The following ATPAF1 variants were observed in gnomAD, a reference collection of about 807,000 sequenced individuals.
ATPAF1 encodes the protein homolog of yeast ATP11.
Under a neutral mutation model 43.9 loss-of-function variants are expected in ATPAF1, and 26 were observed. The observed-to-expected ratio is 0.59, with a 90% CI of 0.43 to 0.82. ATPAF1 has a LOEUF of 0.82. ATPAF1 is among the 40% of genes least tolerant of loss of function. ATPAF1 has a pLI of 0.00. For missense variants in ATPAF1, 366 were observed against 435.0 expected, an observed-to-expected ratio of 0.84 and a Z score of 1.41; for synonymous variants, 157 against 168.0, an observed-to-expected ratio of 0.93 and a Z score of 0.50.
In ATPAF1 at chr1:46,635,557, C is replaced by T. The variant is rs1675821550; in HGVS notation, c.*219G>A. 14 of 530,732 alleles carry T rather than the reference C, an allele frequency of 2.6e-5. No homozygotes were observed. In the South Asian group the frequency reaches 3.0e-4, roughly 11 times the overall value. 32.9% of individuals were successfully genotyped at this position (530,732 alleles called of 1,614,324 possible). A position where few individuals can be genotyped will look rare whatever the true frequency, so the allele number is the denominator to read the frequency against. ...AACCTCGAACACTTAAAAAAGGAAA[C>T]CTCAAGTATGCTGAGATAATTATCA... On this transcript the variant is annotated 3_prime_UTR_variant, in exon 9 of 9. Transcript: ENST00000574428.
At chr1:46,649,307 A>G (rs61784002) in intron 6 of ATPAF1, among the ~76,000 whole-genome samples, 39,878 of 152,012 alleles carry the variant, frequency 0.26, 5,529 homozygotes, top group East Asian at 0.38. Context: ...CCTTTCTCTA[A>G]TTTATAGACA....
chr1:46,651,282 G>A (rs1391176451), intron 6 of ATPAF1, among the ~76,000 whole-genome samples: 6 of 151,992 alleles, frequency 3.9e-5, no homozygotes, highest in African/African-American at 1.4e-4. Context: ...AGTTTACTGA[G>A]AATGATGATT....
At chr1:46,652,613 A>C (rs1165883014) in exon 6 of ATPAF1, 2 of 1,613,294 alleles carry the variant, frequency 1.2e-6, no homozygotes, top group South Asian at 2.2e-5. Context: ...TTCCAGATCA[A>C]ATCAAACTTT....
chr1:46,666,958 G>C (rs1676501181), intron 1 of ATPAF1, among the ~76,000 whole-genome samples: 1 of 152,248 alleles, frequency 6.6e-6, no homozygotes, highest in African/African-American at 2.4e-5. Flanking sequence ...GTGTAAAACA[G>C]ATCAAATACA....
In ATPAF1 at chr1:46,654,531, A is replaced by AT. The variant is rs112199735; in HGVS notation, c.490-665dup. On this transcript the variant is annotated intron_variant, in intron 4 of 8. Transcript: ENST00000574428. ...GACTGGGCAATTTATTTATTTATTTATTATTATTATTATTATTATTATTAT... is the reference window on the plus strand; with the variant it reads ...GACTGGGCAATTTATTTATTTATTTATTTATTATTATTATTATTATTATTAT... 5.9e-3 allele frequency among the ~76,000 whole-genome samples: 769 copies of AT among 130,682 alleles called. 9 individuals carry two copies. Among genetic ancestry groups the AT allele is most frequent in the East Asian group, 0.039 (161 of 4,172 alleles). The allele number at this position is 130,682 out of a possible 152,430, so 85.7% of individuals were successfully genotyped here.
Position 46,653,974 on chromosome 1 carries a change from C to T in ATPAF1, c.490-107G>A. ...CTCAGAGGAATATGCTATTTGATAA[C>T]AGAGAGGAAAAACCCAGTATAACGC... is the stretch of plus-strand genomic sequence containing the variant. On this transcript the variant is annotated intron_variant, in intron 4 of 8. Transcript: ENST00000574428. The surrounding 1 kb of genome is among the most constrained non-coding windows in gnomAD (Gnocchi z 4.8). 9.7e-7 allele frequency: 1 copy of T among 1,026,620 alleles called. No homozygotes were observed. The highest frequency in any genetic ancestry group is 1.4e-6 in the Non-Finnish European group (1 of 697,398). 63.6% of individuals were successfully genotyped at this position (1,026,620 alleles called of 1,614,324 possible).
intron 8 of ATPAF1, 160 bp from the exon 9 acceptor site, chr1:46,636,130 T>C (rs1675836763): frequency 4.0e-6 from 3 of 747,204 alleles, no homozygotes; most frequent in Non-Finnish European, 7.1e-6. Flanking sequence ...GCCCCTTCTC[T>C]GTGTACCAAA....
At chr1:46,650,547 G>A (rs963372115) in intron 6 of ATPAF1, among the ~76,000 whole-genome samples, 11 of 152,024 alleles carry the variant, frequency 7.2e-5, no homozygotes, top group Middle Eastern at 3.2e-3. Flanking sequence ...AAGGAAATTA[G>A]TATGTTGAAG....
intron 8 of ATPAF1, 131 bp from the exon 9 acceptor site, chr1:46,636,101 T>C (rs551269058): frequency 4.0e-6 from 4 of 987,828 alleles, no homozygotes; most frequent in Admixed American, 3.7e-5. Context: ...CTTCTTGAAG[T>C]CCCTAGTCTT....
intron 4 of ATPAF1, among the ~76,000 whole-genome samples, chr1:46,655,271 C>T (rs186258775): frequency 6.6e-6 from 1 of 152,086 alleles, no homozygotes; most frequent in East Asian, 1.9e-4. Flanking sequence ...ATATTATTGG[C>T]ATGTTATAGG....
rs192040025 is a variant in ATPAF1 at position 46,649,381 on chromosome 1, T to C, written c.588+3200A>G. On this transcript the variant is annotated intron_variant, in intron 6 of 8. Transcript: ENST00000574428. The stretch of plus-strand genomic sequence containing the variant: ...TATTTCAGGACTCTACTCTGTTCCA[T>C]TAATCTACATGTCTATCTTTGTGCC... Among the ~76,000 whole-genome samples, 62 of 152,322 alleles carry C rather than the reference T, an allele frequency of 4.1e-4. 1 individual carries two copies. In the East Asian group the frequency reaches 6.2e-3, roughly 15 times the overall value.
chr1:46,644,084 A>T (rs1031665715), intron 7 of ATPAF1, among the ~76,000 whole-genome samples: 2 of 152,152 alleles, frequency 1.3e-5, no homozygotes, highest in East Asian at 1.9e-4. Context: ...TGTTACACTG[A>T]TCATTTTGGT....
At chr1:46,640,772 G>A (rs1022422940) in intron 8 of ATPAF1, among the ~76,000 whole-genome samples, 2 of 152,196 alleles carry the variant, frequency 1.3e-5, no homozygotes, top group African/African-American at 2.4e-5. Flanking sequence ...GTTTGCTGAC[G>A]CTTGTCCTAG....
chr1:46,654,528 T>TTTATTTTTTTATTATTA (rs1553218331), intron 4 of ATPAF1, among the ~76,000 whole-genome samples: 2 of 135,282 alleles, frequency 1.5e-5, no homozygotes, highest in African/African-American at 6.0e-5. Flanking sequence ...TATTTATTTA[T>TTTATTTTTTTATTATTA]TTATTATTAT....
upstream of ATPAF1, chr1:46,668,517 G>A: frequency 4.4e-6 from 3 of 683,330 alleles, no homozygotes; most frequent in Non-Finnish European, 5.7e-6. This position sits in a 1 kb window ranked among gnomAD's most constrained non-coding sequence, Gnocchi z 4.4. Context: ...CCGGCACTGC[G>A]CGCTCTCGCC....
chr1:46,651,260 T>G (rs534330522), intron 6 of ATPAF1, among the ~76,000 whole-genome samples: 59 of 152,244 alleles, frequency 3.9e-4, no homozygotes, highest in African/African-American at 1.4e-3. Context: ...TTTGGTTTTT[T>G]GTTCTTGCCA....
chr1:46,661,190 A>G (rs1483054362), intron 2 of ATPAF1, among the ~76,000 whole-genome samples: 2 of 151,960 alleles, frequency 1.3e-5, no homozygotes, highest in Non-Finnish European at 2.9e-5. Flanking sequence ...CTCCTGCCTC[A>G]GCCTCCTGAG....
At chr1:46,638,598 G>T (rs185002646) in intron 8 of ATPAF1, among the ~76,000 whole-genome samples, 1 of 147,794 alleles carries the variant, frequency 6.8e-6, no homozygotes, top group African/African-American at 2.5e-5. Context: ...CTCCAGCCTT[G>T]GTGAAAAGAG....
At chr1:46,638,858 AT>A (rs941896936) in intron 8 of ATPAF1, among the ~76,000 whole-genome samples, 11 of 152,274 alleles carry the variant, frequency 7.2e-5, no homozygotes, top group African/African-American at 2.6e-4. Context: ...ATAAAGAGGT[AT>A]TTTAACAAGT....
Sources: gnomAD v4.1 joint callset for allele counts (sites outside exome capture counted in the v4.1 genomes callset) on GRCh38, gnomAD v4.1.1 for gene constraint, Gnocchi (gnomAD v3.1) non-coding constraint, MANE v1.5 for transcripts, NCBI Gene and HGNC (gene_info 2026-07-23, HGNC 2026-07-21) for gene names.